The following CFDP1 variants were observed in gnomAD, a reference collection of about 807,000 sequenced individuals.
CFDP1 encodes the protein heterochromatin-stabilizing protein CFDP1.
In CFDP1, 31 loss-of-function variants were observed where a neutral mutation model predicts 40.1. The ratio of observed to expected loss-of-function variants is 0.77; its 90% CI spans 0.58 to 1.04. The LOEUF (loss-of-function observed/expected upper bound fraction) is 1.04. Among genes scored for constraint, CFDP1 ranks in the 50% least tolerant of loss-of-function variants. The pLI, the probability that CFDP1 is intolerant of heterozygous loss-of-function variation, is 0.00. For missense variants in CFDP1, 423 were observed against 343.4 expected, an observed-to-expected ratio of 1.23 and a Z score of -1.83; for synonymous variants, 167 against 120.0, an observed-to-expected ratio of 1.39 and a Z score of -2.56.
At chr16:75,344,650 C>G (rs962769106) in intron 5 of CFDP1, among the ~76,000 whole-genome samples, 8 of 152,146 alleles carry the variant, frequency 5.3e-5, no homozygotes, top group Non-Finnish European at 1.0e-4. Flanking sequence ...AAAGAACATC[C>G]TGGCTGGGCA....
At chr16:75,297,146 T>TGTGTGTGTGTGTGTGTG (rs1491503380) in intron 6 of CFDP1, among the ~76,000 whole-genome samples, 1,725 of 132,982 alleles carry the variant, frequency 0.013, 165 homozygotes, top group East Asian at 0.024. Context: ...TTCCCATTTC[T>TGTGTGTGTGTGTGTGTG]TGTGTGTGTG....
intron 5 of CFDP1, among the ~76,000 whole-genome samples, chr16:75,312,572 G>A (rs2078300035): frequency 6.6e-6 from 1 of 152,116 alleles, no homozygotes; most frequent in South Asian, 2.1e-4. Flanking sequence ...GATTTCAGCT[G>A]CTCTACATCT....
At chr16:75,369,367 A>G (rs971694426) in intron 5 of CFDP1, among the ~76,000 whole-genome samples, 1 of 151,966 alleles carries the variant, frequency 6.6e-6, no homozygotes, top group African/African-American at 2.4e-5. Flanking sequence ...TTAGCAATAT[A>G]GCAAAAGTTC....
At chr16:75,295,582 T>C (rs11641532) in intron 6 of CFDP1, among the ~76,000 whole-genome samples, 76,356 of 152,074 alleles carry the variant, frequency 0.5, 20,729 homozygotes, top group Admixed American at 0.66. Context: ...TCTGGACTTA[T>C]GGTTTCAGCA....
At chr16:75,370,077 A>AT (rs1194624222) in intron 5 of CFDP1, among the ~76,000 whole-genome samples, 1 of 145,666 alleles carries the variant, frequency 6.9e-6, no homozygotes, top group East Asian at 2.1e-4. Context: ...CTGGCCTTGA[A>AT]TTTTTTCTAT....
intron 5 of CFDP1, among the ~76,000 whole-genome samples, chr16:75,335,759 T>C (rs2078483394): frequency 6.6e-6 from 1 of 152,052 alleles, no homozygotes; most frequent in African/African-American, 2.4e-5. Context: ...GGTTTCACCG[T>C]GTTAGCCAGG....
At chr16:75,358,696 C>T (rs913271467) in intron 5 of CFDP1, among the ~76,000 whole-genome samples, 3 of 151,966 alleles carry the variant, frequency 2.0e-5, no homozygotes, top group Non-Finnish European at 2.9e-5. Flanking sequence ...CTTAAGTATT[C>T]GACAGACATT....
intron 5 of CFDP1, among the ~76,000 whole-genome samples, chr16:75,376,489 A>G (rs930299275): frequency 6.6e-6 from 1 of 152,224 alleles, no homozygotes; most frequent in African/African-American, 2.4e-5. Flanking sequence ...CAGGCACAAA[A>G]ATTTAAAAAA....
intron 5 of CFDP1, among the ~76,000 whole-genome samples, chr16:75,381,939 A>G (rs1277458628): frequency 6.6e-6 from 1 of 152,046 alleles, no homozygotes; most frequent in Non-Finnish European, 1.5e-5. Flanking sequence ...AAATATAAGA[A>G]AGGTAGCAGT....
intron 5 of CFDP1, among the ~76,000 whole-genome samples, chr16:75,327,008 C>T (rs555821070): frequency 3.9e-5 from 6 of 152,186 alleles, no homozygotes; most frequent in African/African-American, 9.7e-5. Flanking sequence ...CAGTGGCTGA[C>T]GCCTGTAATC....
intron 1 of CFDP1, among the ~76,000 whole-genome samples, chr16:75,432,578 CAA>C (rs1290000829): frequency 2.0e-5 from 3 of 151,968 alleles, no homozygotes; most frequent in Admixed American, 2.0e-4. Flanking sequence ...CAAAGTAAAA[CAA>C]AGAGAATAGG....
At chr16:75,350,418 T>C (rs1202755512) in intron 5 of CFDP1, among the ~76,000 whole-genome samples, 1 of 152,214 alleles carries the variant, frequency 6.6e-6, no homozygotes, top group Non-Finnish European at 1.5e-5. Context: ...TTTTAAATTA[T>C]AACCATCCTA....
intron 5 of CFDP1, among the ~76,000 whole-genome samples, chr16:75,319,268 T>C (rs1367323601): frequency 2.6e-5 from 4 of 152,078 alleles, no homozygotes; most frequent in Non-Finnish European, 5.9e-5. Flanking sequence ...GGTCTTGATC[T>C]CTTGACCTTA....
chr16:75,417,448 A>G (rs1567680239), intron 1 of CFDP1, among the ~76,000 whole-genome samples: 1 of 152,202 alleles, frequency 6.6e-6, no homozygotes, highest in Non-Finnish European at 1.5e-5. Flanking sequence ...CTTAAGTTAA[A>G]CAGAAAAAAA....
chr16:75,337,004 C>T (rs1052438098), intron 5 of CFDP1, among the ~76,000 whole-genome samples: 1 of 152,142 alleles, frequency 6.6e-6, no homozygotes, highest in Non-Finnish European at 1.5e-5. Context: ...TTGTTTGGCT[C>T]TGAGTTGCAA....
intron 1 of CFDP1, among the ~76,000 whole-genome samples, chr16:75,423,664 G>A (rs925846523): frequency 2.6e-5 from 4 of 151,994 alleles, no homozygotes; most frequent in African/African-American, 7.2e-5. Context: ...ACAGGCACCC[G>A]CCACCTCGCC....
chr16:75,312,342 C>T (rs9923574), intron 5 of CFDP1, among the ~76,000 whole-genome samples: 1 of 151,982 alleles, frequency 6.6e-6, no homozygotes, highest in Admixed American at 6.5e-5. Flanking sequence ...ATTTTTAAAC[C>T]TTTTGTGGCT....
At chr16:75,387,302 G>A (rs928789792) in intron 5 of CFDP1, among the ~76,000 whole-genome samples, 32 of 152,244 alleles carry the variant, frequency 2.1e-4, no homozygotes, top group African/African-American at 7.2e-4. Context: ...CACCACGCCC[G>A]GAGAATTTTT....
chr16:75,412,288 G>T (rs965698660), intron 3 of CFDP1, among the ~76,000 whole-genome samples: 1 of 152,126 alleles, frequency 6.6e-6, no homozygotes, highest in East Asian at 1.9e-4. Flanking sequence ...CAAAGTGCAG[G>T]GATTGTTGGT....
Sources: gnomAD v4.1 joint callset for allele counts (sites outside exome capture counted in the v4.1 genomes callset) on GRCh38, gnomAD v4.1.1 for gene constraint, MANE v1.5 for transcripts, NCBI Gene and HGNC (gene_info 2026-07-23, HGNC 2026-07-21) for gene names.